Variants in PLCH1 observed in about 807,000 individuals in gnomAD.
PLCH1 encodes the protein phospholipase C eta 1.
In PLCH1, 60 loss-of-function variants were observed where a neutral mutation model predicts 126.7. That is an observed-to-expected ratio of 0.47 (90% CI 0.38 to 0.59). The LOEUF (loss-of-function observed/expected upper bound fraction) is 0.59. Ranked by LOEUF, PLCH1 falls within the 20% of genes least tolerant of loss-of-function variation. The pLI is 0.00. For missense variants in PLCH1, 1,723 were observed against 2,040.0 expected (o/e 0.84, Z 2.99); for synonymous variants, 719 against 734.9 (o/e 0.98, Z 0.35).
rs1560176838 is a variant in PLCH1 at position 155,566,292 on chromosome 3, TATATATACACATATATATAC to T, written c.866-1194_866-1175del. On this transcript the variant is annotated intron_variant, in intron 7 of 22. Coordinates refer to ENST00000460012, the MANE Select transcript of PLCH1 (RefSeq NM_014996.4). The stretch of plus-strand genomic sequence containing the variant: ...ATATACATATATACATATATATACG[TATATATACACATATATATAC>T]ATATATACATATATATACGTATATA... 1.7e-3 allele frequency among the ~76,000 whole-genome samples: 69 copies of T among 41,100 alleles called. 23 individuals carry two copies. Among genetic ancestry groups the T allele is most frequent in the Non-Finnish European group, 2.9e-3 (50 of 16,954 alleles). 27.0% of individuals were successfully genotyped at this position (41,100 alleles called of 152,430 possible). A position where few individuals can be genotyped will look rare whatever the true frequency, so the allele number is the denominator to read the frequency against.
chr3:155,708,592 T>A (rs1746861466), intron 1 of PLCH1, among the ~76,000 whole-genome samples: 1 of 152,254 alleles, frequency 6.6e-6, no homozygotes, highest in South Asian at 2.1e-4. Context: ...AAACAACTAC[T>A]GAAGTATACT....
chr3:155,581,092 A>G (rs139128796), intron 6 of PLCH1, among the ~76,000 whole-genome samples: 2 of 152,304 alleles, frequency 1.3e-5, no homozygotes, highest in East Asian at 3.8e-4. Flanking sequence ...ACAATTGTCA[A>G]AGTCATCCAG....
At chr3:155,538,061 G>A (rs925463867) in intron 10 of PLCH1, among the ~76,000 whole-genome samples, 12 of 151,820 alleles carry the variant, frequency 7.9e-5, no homozygotes, top group South Asian at 4.2e-4. Flanking sequence ...CTAGGATCAC[G>A]GTGGAATAAA....
At chr3:155,536,041 C>T (rs1723311210) in intron 10 of PLCH1, among the ~76,000 whole-genome samples, 1 of 152,168 alleles carries the variant, frequency 6.6e-6, no homozygotes, top group African/African-American at 2.4e-5. Context: ...AGCCTGGTAG[C>T]CCCACTGGGT....
At chr3:155,500,564 C>T in intron 14 of PLCH1, 139 bp downstream of exon 14, 1 of 611,568 alleles carries the variant, frequency 1.6e-6, no homozygotes, top group Non-Finnish European at 2.9e-6. Flanking sequence ...TCATATCCAG[C>T]TGTTCTTCAC....
intron 2 of PLCH1, among the ~76,000 whole-genome samples, chr3:155,694,903 ACCC>A (rs754211894): frequency 1.4e-5 from 2 of 145,188 alleles, no homozygotes; most frequent in Non-Finnish European, 3.0e-5. Flanking sequence ...CTCCTCATGT[ACCC>A]CAACCCCAGG....
rs192606309 is a variant in PLCH1 at position 155,598,331 on chromosome 3, T to G, written c.80-1953A>C. Among the ~76,000 whole-genome samples, 638 of 152,332 alleles carry G rather than the reference T, an allele frequency of 4.2e-3. 1 individual carries two copies. Among genetic ancestry groups the G allele is most frequent in the Admixed American group, 7.0e-3 (107 of 15,304 alleles). On this transcript the variant is annotated intron_variant, in intron 2 of 22. Coordinates refer to ENST00000460012, the MANE Select transcript of PLCH1 (RefSeq NM_014996.4). ...CTTTTAGGCAATGAAAGCTACATAGTTGAATTCTTGACAGCCACATTAACC... is the reference window on the plus strand; with the variant it reads ...CTTTTAGGCAATGAAAGCTACATAGGTGAATTCTTGACAGCCACATTAACC...
intron 1 of PLCH1, among the ~76,000 whole-genome samples, chr3:155,710,115 C>T (rs924354068): frequency 2.0e-5 from 3 of 152,056 alleles, no homozygotes; most frequent in Admixed American, 6.6e-5. Flanking sequence ...GGCCTCCCGA[C>T]TAGCAGGGAC....
At chr3:155,558,715 C>T (rs929452834) in intron 8 of PLCH1, among the ~76,000 whole-genome samples, 3 of 152,124 alleles carry the variant, frequency 2.0e-5, no homozygotes, top group African/African-American at 7.2e-5. Flanking sequence ...TGGTACACAA[C>T]TTAAAACTTA....
At position 155,606,590 on chromosome 3, in the gene PLCH1, C is replaced by T. The variant is rs979307492; in HGVS notation, c.80-10212G>A. On this transcript the variant is annotated intron_variant, in intron 2 of 22. Coordinates refer to ENST00000460012, the MANE Select transcript of PLCH1 (RefSeq NM_014996.4). The stretch of plus-strand genomic sequence containing the variant: ...ATTGCTCTGTAGTAGTAACCATTCA[C>T]TCTAAGTGGCAGTTGCTTATAGTGA... 2.6e-5 allele frequency among the ~76,000 whole-genome samples: 4 copies of T among 152,220 alleles called. No individual in the cohort carries two copies. The South Asian group carries it at 6.2e-4, about 24-fold the overall frequency.
chr3:155,464,981 T>A (rs1463184317), intron 21 of PLCH1, among the ~76,000 whole-genome samples: 1 of 151,930 alleles, frequency 6.6e-6, no homozygotes. Context: ...TGGCAGCGTG[T>A]GCCTGTAGTC....
chr3:155,503,607 G>A (rs1296649948), intron 13 of PLCH1, among the ~76,000 whole-genome samples: 3 of 148,480 alleles, frequency 2.0e-5, no homozygotes, highest in African/African-American at 5.0e-5. Context: ...GTGCAATCTC[G>A]CCTCACTGCA....
chr3:155,660,108 C>T (rs760798537), intron 2 of PLCH1, among the ~76,000 whole-genome samples: 1 of 152,188 alleles, frequency 6.6e-6, no homozygotes, highest in Non-Finnish European at 1.5e-5. Flanking sequence ...GGATGGATCT[C>T]CTGACAAGGC....
intron 10 of PLCH1, among the ~76,000 whole-genome samples, chr3:155,536,090 A>C (rs1723318756): frequency 6.6e-6 from 1 of 152,204 alleles, no homozygotes; most frequent in South Asian, 2.1e-4. Flanking sequence ...ACTACAGTCC[A>C]GCTATCAGGA....
chr3:155,537,228 A>AAAAAAC (rs1723550172), intron 10 of PLCH1, among the ~76,000 whole-genome samples: 1 of 9,334 alleles, frequency 1.1e-4, no homozygotes, highest in African/African-American at 1.7e-4. Flanking sequence ...AAAAAAAAAA[A>AAAAAAC]AAAAACCTAA....
Position 155,482,172 on chromosome 3 carries a change from C to A in PLCH1, c.3854G>T (p.Ser1285Ile), listed in dbSNP as rs374661049. ...SKTKPDDDLS[S>I]KAKTAALESN... ...TTCTAAGGCCGCTGTCTTGGCCTTA[C>A]TAGAAAGGTCATCATCTGGTTTGGT... The change falls in exon 23 of 23, where the codon AGT becomes ATT. Residue 1285 changes from serine to isoleucine, a missense_variant. By Grantham distance (142) the Ser-to-Ile change is moderately radical. Transcript: ENST00000460012. 3.7e-6 allele frequency: 6 copies of A among 1,614,034 alleles called. No homozygotes were observed. The highest frequency in any genetic ancestry group is 4.2e-6 in the Non-Finnish European group (5 of 1,180,032).
At chr3:155,527,114 T>A (rs1371377778) in intron 10 of PLCH1, among the ~76,000 whole-genome samples, 1 of 152,164 alleles carries the variant, frequency 6.6e-6, no homozygotes, top group Non-Finnish European at 1.5e-5. Flanking sequence ...TTCACTTGAT[T>A]GGTGGCTTCT....
At chr3:155,580,675 T>C (rs1730549976) in intron 6 of PLCH1, among the ~76,000 whole-genome samples, 1 of 152,186 alleles carries the variant, frequency 6.6e-6, no homozygotes, top group Admixed American at 6.5e-5. Context: ...ATATTAACAA[T>C]GTATTACTAA....
At chr3:155,658,071 G>A in intron 2 of PLCH1, 1 of 214,868 alleles carries the variant, frequency 4.7e-6, no homozygotes, top group South Asian at 8.5e-5. Flanking sequence ...GTGGTGACAA[G>A]GATGGTGGTA....
Sources: allele counts gnomAD v4.1 joint callset (sites outside exome capture counted in the v4.1 genomes callset), GRCh38; gene constraint gnomAD v4.1.1; transcripts MANE v1.5; gene names NCBI Gene and HGNC (gene_info 2026-07-23, HGNC 2026-07-21).